AGBL4: variants seen among roughly 807,000 people sequenced by gnomAD.
AGBL4 encodes the protein cytosolic carboxypeptidase 6.
AGBL4 carries 58 observed loss-of-function variants against 66.4 expected under a neutral mutation model. The observed-to-expected ratio is 0.87, with a 90% CI of 0.71 to 1.09. The LOEUF is 1.09. Ranked by LOEUF, AGBL4 falls within the 50% of genes least tolerant of loss-of-function variation. The pLI, the probability that AGBL4 is intolerant of heterozygous loss-of-function variation, is 0.00. For missense variants in AGBL4, 579 were observed against 631.0 expected, an observed-to-expected ratio of 0.92 and a Z score of 0.88; for synonymous variants, 234 against 222.9, an observed-to-expected ratio of 1.05 and a Z score of -0.44.
intron 6 of AGBL4, chr1:48,742,524 C>T: frequency 8.0e-7 from 1 of 1,253,770 alleles, no homozygotes; most frequent in Non-Finnish European, 1.0e-6. Flanking sequence ...AGGAGGCCAA[C>T]CAGTCAAGCT....
At chr1:49,219,623 G>C (rs1649345397) in intron 4 of AGBL4, among the ~76,000 whole-genome samples, 1 of 152,118 alleles carries the variant, frequency 6.6e-6, no homozygotes, top group Non-Finnish European at 1.5e-5. Context: ...CCATCATATA[G>C]CAATGTCCAG....
chr1:49,402,116 A>G (rs1645098747), intron 3 of AGBL4, among the ~76,000 whole-genome samples: 1 of 151,938 alleles, frequency 6.6e-6, no homozygotes, highest in African/African-American at 2.4e-5. Context: ...TTTTCTTTTC[A>G]AAAAACCAAC....
intron 9 of AGBL4, among the ~76,000 whole-genome samples, chr1:48,603,961 C>A (rs1326515763): frequency 2.0e-5 from 3 of 151,906 alleles, no homozygotes; most frequent in African/African-American, 7.2e-5. Flanking sequence ...ACAACAACAA[C>A]AACAACAACA....
At chr1:49,769,381 C>A (rs1643988045) in intron 2 of AGBL4, among the ~76,000 whole-genome samples, 1 of 152,044 alleles carries the variant, frequency 6.6e-6, no homozygotes, top group Non-Finnish European at 1.5e-5. Context: ...TCTAAAATGG[C>A]CATAATGCCC....
At chr1:48,553,931 T>C (rs1358992187) in intron 11 of AGBL4, among the ~76,000 whole-genome samples, 2 of 152,140 alleles carry the variant, frequency 1.3e-5, no homozygotes, top group Admixed American at 1.3e-4. Flanking sequence ...CTATCCTGAG[T>C]GCATCTGCAT....
intron 9 of AGBL4, among the ~76,000 whole-genome samples, chr1:48,619,611 C>T (rs1248584495): frequency 6.6e-6 from 1 of 152,150 alleles, no homozygotes; most frequent in Non-Finnish European, 1.5e-5. Flanking sequence ...AATAAAGATT[C>T]GCCTTAGCAG....
intron 6 of AGBL4, among the ~76,000 whole-genome samples, chr1:48,837,711 C>CTATGTATATATATATA (rs1646714521): frequency 1.2e-5 from 1 of 82,298 alleles, no homozygotes; most frequent in Non-Finnish European, 2.4e-5. Flanking sequence ...CACACACACA[C>CTATGTATATATATATA]TATATATATA....
chr1:48,522,564 A>G, the AGBL4 span, among the ~76,000 whole-genome samples: 2,076 of 152,252 alleles, frequency 0.014, 49 homozygotes, highest in African/African-American at 0.047. Flanking sequence ...TGGCAGCTCA[A>G]GTGTGCTCCA....
At chr1:48,982,518 A>G (rs1009116571) in intron 5 of AGBL4, among the ~76,000 whole-genome samples, 2 of 152,112 alleles carry the variant, frequency 1.3e-5, no homozygotes, top group African/African-American at 4.8e-5. Context: ...CCTACAAAGG[A>G]CATGAACTCA....
intron 4 of AGBL4, among the ~76,000 whole-genome samples, chr1:49,120,323 T>G (rs1645626370): frequency 1.3e-5 from 2 of 152,216 alleles, no homozygotes; most frequent in South Asian, 4.1e-4. Flanking sequence ...CAGTTGTTTC[T>G]TTCCATGTTT....
intron 2 of AGBL4, among the ~76,000 whole-genome samples, chr1:49,798,718 A>G (rs1644788907): frequency 6.6e-6 from 1 of 152,170 alleles, no homozygotes; most frequent in Admixed American, 6.5e-5. Context: ...AATGCATCCA[A>G]AGAACTTTCT....
chr1:49,070,418 T>C (rs570016588), intron 4 of AGBL4, among the ~76,000 whole-genome samples: 19 of 152,052 alleles, frequency 1.2e-4, no homozygotes, highest in Admixed American at 6.5e-4. Flanking sequence ...CAATACCTAG[T>C]TTATTGACAG....
chr1:49,882,127 C>A (rs1647401974), intron 1 of AGBL4, among the ~76,000 whole-genome samples: 2 of 151,950 alleles, frequency 1.3e-5, no homozygotes, highest in Non-Finnish European at 2.9e-5. Context: ...TTTCCAAGCA[C>A]CATTTATTAA....
chr1:49,858,048 T>C (rs1184957003), intron 1 of AGBL4, among the ~76,000 whole-genome samples: 1 of 151,684 alleles, frequency 6.6e-6, no homozygotes, highest in Non-Finnish European at 1.5e-5. Flanking sequence ...CATTAAAAAG[T>C]GGACAGCAGA....
chr1:49,508,243 C>A (rs1208346036), intron 3 of AGBL4, among the ~76,000 whole-genome samples: 3 of 151,952 alleles, frequency 2.0e-5, no homozygotes, highest in Non-Finnish European at 4.4e-5. Context: ...ATCCTCCAAT[C>A]TCTTTTTCAA....
At chr1:49,660,259 A>G (rs1646242536) in intron 3 of AGBL4, among the ~76,000 whole-genome samples, 2 of 152,190 alleles carry the variant, frequency 1.3e-5, no homozygotes, top group African/African-American at 2.4e-5. Flanking sequence ...ATTTACAAGA[A>G]AAAAGAAACA....
intron 6 of AGBL4, among the ~76,000 whole-genome samples, chr1:48,800,995 C>T (rs976895608): frequency 1.3e-5 from 2 of 150,752 alleles, no homozygotes; most frequent in Non-Finnish European, 2.9e-5. Flanking sequence ...GCTGTGGCCG[C>T]TGTGGGGCAT....
intron 2 of AGBL4, among the ~76,000 whole-genome samples, chr1:49,779,796 T>C (rs1644292332): frequency 6.6e-6 from 1 of 152,136 alleles, no homozygotes; most frequent in Admixed American, 6.6e-5. Flanking sequence ...ACAGAGAATT[T>C]TGGCCTGGAC....
intron 5 of AGBL4, among the ~76,000 whole-genome samples, chr1:49,036,180 G>T (rs913281384): frequency 6.6e-6 from 1 of 151,166 alleles, no homozygotes; most frequent in African/African-American, 2.4e-5. Context: ...TTATTAAAAA[G>T]AGAATATCAG....
Sources: gnomAD v4.1 joint callset for allele counts (sites outside exome capture counted in the v4.1 genomes callset) on GRCh38, gnomAD v4.1.1 for gene constraint, MANE v1.5 for transcripts, NCBI Gene and HGNC (gene_info 2026-07-23, HGNC 2026-07-21) for gene names.